Variants in CPD observed in about 807,000 individuals in gnomAD.
The protein encoded by CPD is metallocarboxypeptidase D.
A neutral mutation model predicts 138.3 loss-of-function variants in CPD; 69 were observed. That is an observed-to-expected ratio of 0.50 (90% CI 0.41 to 0.61). CPD has a LOEUF of 0.61. CPD is among the 20% of genes least tolerant of loss of function. The pLI is 0.00. For missense variants in CPD, 1,432 were observed against 1,733.3 expected, an observed-to-expected ratio of 0.83 and a Z score of 3.09; for synonymous variants, 651 against 642.1, an observed-to-expected ratio of 1.01 and a Z score of -0.21.
rs1348049308 is a variant in CPD, at chr17:30,467,762, T to A, written c.*2948T>A. ...CCATGACCTGCTCCTCCATTTCCAT[T>A]TATTCTCAACATTAAATAGTTTTAT... is the stretch of plus-strand genomic sequence containing the variant. On this transcript the variant is annotated 3_prime_UTR_variant, in exon 21 of 21. Coordinates refer to ENST00000225719, the MANE Select transcript of CPD (RefSeq NM_001304.5). 2.6e-5 allele frequency: 4 copies of A among 152,174 alleles called. No homozygotes were observed. The highest frequency in any genetic ancestry group is 5.9e-5 in the Non-Finnish European group (4 of 68,022). 9.4% of individuals were successfully genotyped at this position (152,174 alleles called of 1,614,324 possible).
intron 12 of CPD, 42 bp from the exon 13 acceptor site, chr17:30,449,511 G>A (rs1185599798): frequency 2.0e-6 from 3 of 1,512,962 alleles, no homozygotes; most frequent in Admixed American, 4.7e-5. Context: ...TTAACATAGT[G>A]CTTGATTACT....
At chr17:30,389,383 A>T (rs940098036) in intron 2 of CPD, among the ~76,000 whole-genome samples, 2 of 152,208 alleles carry the variant, frequency 1.3e-5, no homozygotes, top group African/African-American at 4.8e-5. Context: ...ATCATTAAAA[A>T]TTTTTTTGTA....
rs574948338 is a variant in CPD at position 30,421,808 on chromosome 17, T to C, written c.1282T>C (p.Tyr428His). 1 of 1,613,496 alleles carries C rather than the reference T, an allele frequency of 6.2e-7. No homozygotes were observed. The highest frequency in any genetic ancestry group is 1.3e-5 in the African/African-American group (1 of 75,044). ...DFYRLLVPGT[Y>H]NLTVVLTGYM... ...CTACCGATTACTTGTTCCTGGAACT[T>C]ACAACCTTACAGTAGTTTTAACTGG... The change falls in exon 4 of 21, where the codon TAC becomes CAC. Residue 428 changes from tyrosine (Y) to histidine (H), a missense_variant. Transcript: ENST00000225719.
At chr17:30,387,285 T>A (rs962486954) in intron 2 of CPD, among the ~76,000 whole-genome samples, 5 of 151,968 alleles carry the variant, frequency 3.3e-5, no homozygotes, top group African/African-American at 1.2e-4. Context: ...GCCCAGCTAA[T>A]TTTTTGTATT....
At position 30,449,628 on chromosome 17, in the gene CPD, A is replaced by G; in HGVS notation, c.2949A>G (p.Glu983=). Residue 983 remains glutamate, a synonymous_variant, in exon 13 of 21, where the codon GAA becomes GAG. Transcript: ENST00000225719. ...ATAAGCCCAATGTATCTGAGCCTGA[A>G]GAACCAAAGATTCGTTTTGTTGCTG... ...ISNKPNVSEP[E]EPKIRFVAGI... is the part of the protein sequence containing the mutation. 1 of 1,611,066 alleles carries G rather than the reference A, an allele frequency of 6.2e-7. No individual in the cohort carries two copies. The highest frequency in any genetic ancestry group is 8.5e-7 in the Non-Finnish European group (1 of 1,179,378).
chr17:30,460,087 T>A (rs73277592), intron 17 of CPD, among the ~76,000 whole-genome samples: 1 of 152,194 alleles, frequency 6.6e-6, no homozygotes, highest in Admixed American at 6.5e-5. Flanking sequence ...CGTGAGAAAT[T>A]AAAGACACAA....
At chr17:30,405,414 T>G (rs1280661176) in intron 2 of CPD, among the ~76,000 whole-genome samples, 10 of 152,140 alleles carry the variant, frequency 6.6e-5, no homozygotes, top group Admixed American at 6.6e-4. Context: ...TGACTCAGCT[T>G]TCAGCTTAAT....
At chr17:30,405,270 T>C (rs55666722) in intron 2 of CPD, among the ~76,000 whole-genome samples, 1,947 of 152,250 alleles carry the variant, frequency 0.013, 43 homozygotes, top group African/African-American at 0.045. Context: ...TAGTCAATTA[T>C]GTATTCATCT....
chr17:30,417,059 G>A (rs1312540185), intron 2 of CPD, among the ~76,000 whole-genome samples: 6 of 150,138 alleles, frequency 4.0e-5, no homozygotes, highest in South Asian at 4.2e-4. Flanking sequence ...CCGAGATCGC[G>A]CCACTGCACT....
chr17:30,438,410 T>C (rs1912762275), intron 8 of CPD, among the ~76,000 whole-genome samples: 1 of 152,142 alleles, frequency 6.6e-6, no homozygotes, highest in Non-Finnish European at 1.5e-5. Context: ...ACACCTACTG[T>C]ATGCTAGATG....
intron 2 of CPD, among the ~76,000 whole-genome samples, chr17:30,404,979 A>C (rs1380059604): frequency 6.6e-6 from 1 of 152,152 alleles, no homozygotes; most frequent in African/African-American, 2.4e-5. Flanking sequence ...CTTCATTTTT[A>C]TGTTAAATTC....
At chr17:30,426,906 C>T (rs1454635613) in intron 6 of CPD, among the ~76,000 whole-genome samples, 1 of 152,078 alleles carries the variant, frequency 6.6e-6, no homozygotes, top group Non-Finnish European at 1.5e-5. Context: ...TCTGGCTGGG[C>T]GTGGTGGCTC....
intron 2 of CPD, among the ~76,000 whole-genome samples, chr17:30,407,798 T>G (rs923897166): frequency 9.9e-5 from 15 of 152,222 alleles, no homozygotes; most frequent in African/African-American, 3.1e-4. Flanking sequence ...TTTCTTTTGC[T>G]GTGCAGAAGC....
chr17:30,425,408 A>T (rs1597720954), intron 6 of CPD, among the ~76,000 whole-genome samples: 1 of 152,128 alleles, frequency 6.6e-6, no homozygotes, highest in African/African-American at 2.4e-5. Flanking sequence ...TAATCCCAGC[A>T]CTTTGGGAGG....
At chr17:30,430,297 T>G (rs774185230) in intron 7 of CPD, among the ~76,000 whole-genome samples, 22 of 152,100 alleles carry the variant, frequency 1.4e-4, no homozygotes, top group Non-Finnish European at 3.2e-4. Flanking sequence ...CCCTTTCCCT[T>G]CTCCCCTCAA....
At chr17:30,434,212 C>T (rs1473017738) in intron 8 of CPD, among the ~76,000 whole-genome samples, 1 of 152,166 alleles carries the variant, frequency 6.6e-6, no homozygotes, top group African/African-American at 2.4e-5. Context: ...TATAAAACGA[C>T]TTAAAAACTA....
chr17:30,416,995 G>C (rs1435786210), intron 2 of CPD, among the ~76,000 whole-genome samples: 1 of 151,608 alleles, frequency 6.6e-6, no homozygotes, highest in Non-Finnish European at 1.5e-5. Flanking sequence ...CTAGGTACTC[G>C]GGAGGTTGAG....
chr17:30,449,843 T>G, intron 13 of CPD, 95 bp downstream of exon 13: 1 of 1,065,746 alleles, frequency 9.4e-7, no homozygotes, highest in Non-Finnish European at 1.3e-6. Context: ...TCTTGCTAGA[T>G]TTTACAGAGT....
intron 1 of CPD, among the ~76,000 whole-genome samples, chr17:30,381,370 TC>T (rs1363428865): frequency 1.3e-5 from 2 of 152,204 alleles, no homozygotes; most frequent in African/African-American, 2.4e-5. Flanking sequence ...CCTGGATTTT[TC>T]TTTTCAGTAT....
Sources: allele counts gnomAD v4.1 joint callset (sites outside exome capture counted in the v4.1 genomes callset), GRCh38; gene constraint gnomAD v4.1.1; transcripts MANE v1.5; gene names NCBI Gene and HGNC (gene_info 2026-07-23, HGNC 2026-07-21).